Variants in ZNF787 observed in about 807,000 individuals in gnomAD.
ZNF787 encodes the protein zinc finger protein 787.
Under a neutral mutation model 16.9 loss-of-function variants are expected in ZNF787, and 7 were observed. The observed-to-expected ratio is 0.42, with a 90% CI of 0.24 to 0.78. The LOEUF is 0.78. Among genes scored for constraint, ZNF787 ranks in the 30% least tolerant of loss-of-function variants. The pLI is 0.30. For synonymous variants in ZNF787, 345 were observed against 270.9 expected, an observed-to-expected ratio of 1.27 and a Z score of -2.69; for missense variants, 551 against 589.3, an observed-to-expected ratio of 0.94 and a Z score of 0.67.
At chr19:56,102,842 A>G in intron 2 of ZNF787, 2 of 698,914 alleles carry the variant, frequency 2.9e-6, no homozygotes, top group South Asian at 1.5e-5. Flanking sequence ...CACCCTCAAC[A>G]GACGGGGGTG....
rs1985431779 is a variant in ZNF787 at position 56,088,420 on chromosome 19, T to G, written c.752A>C (p.Glu251Ala). 8.7e-7 allele frequency: 1 copy of G among 1,148,218 alleles called. No individual in the cohort carries two copies. The highest frequency in any genetic ancestry group is 5.0e-5 in the Admixed American group (1 of 19,950). 71.1% of individuals were successfully genotyped at this position (1,148,218 alleles called of 1,614,324 possible). ...CATGGCTGCCGCGGCCGCGGCCCCC[T>G]CGCCCGGCGCGCCCACCACGATGAT... ...EGIIVVGAPG[E>A]GAAAAAAMAG... The change falls in exon 3 of 3, where the codon GAG (glutamate) becomes GCG (alanine). Residue 251 changes from glutamate to alanine, a missense_variant. This residue lies in a region of ZNF787 where 392 missense variants were observed against 312.7 expected (regional missense o/e 1.25). Coordinates refer to ENST00000610935, the MANE Select transcript of ZNF787 (RefSeq NM_001002836.4). This position sits in a 1 kb window ranked among gnomAD's most constrained non-coding sequence, Gnocchi z 8.6.
At chr19:56,119,819 G>A (rs1340339701) in intron 1 of ZNF787, among the ~76,000 whole-genome samples, 1 of 152,268 alleles carries the variant, frequency 6.6e-6, no homozygotes, top group Non-Finnish European at 1.5e-5. Context: ...CGCAGAGGCA[G>A]GCAGGTGAAT....
chr19:56,098,349 G>A (rs1412978988), intron 2 of ZNF787, among the ~76,000 whole-genome samples: 2 of 152,240 alleles, frequency 1.3e-5, no homozygotes, highest in African/African-American at 2.4e-5. Context: ...GGGAGCTTCA[G>A]AACCCATTCT....
chr19:56,111,394 T>A (rs1445793612), intron 1 of ZNF787, among the ~76,000 whole-genome samples: 1 of 152,038 alleles, frequency 6.6e-6, no homozygotes, highest in Non-Finnish European at 1.5e-5. Context: ...GTAAGTGGGG[T>A]CCAAGGGCAC....
At position 56,106,752 on chromosome 19, in the gene ZNF787, T is replaced by A. The variant is rs116673976; in HGVS notation, c.-10-3525A>T. Among the ~76,000 whole-genome samples the A allele has an allele frequency of 2.2e-3, 338 of 152,310 alleles. 5 individuals are homozygous for A. Among genetic ancestry groups the A allele is most frequent in the African/African-American group, 7.8e-3 (323 of 41,530 alleles). ...GAAACCTCCGGCATCCAGCACCTCA[T>A]TCCAGGCCGGGGTCTGCAGACCAGC... is the stretch of plus-strand genomic sequence containing the variant. On this transcript the variant is annotated intron_variant, in intron 1 of 2. Coordinates refer to ENST00000610935, the MANE Select transcript of ZNF787 (RefSeq NM_001002836.4).
At chr19:56,094,509 C>T (rs982105745) in intron 2 of ZNF787, among the ~76,000 whole-genome samples, 2 of 151,480 alleles carry the variant, frequency 1.3e-5, no homozygotes, top group Non-Finnish European at 2.9e-5. Context: ...GATCCTCCTT[C>T]TTGCCTTCAA....
At chr19:56,104,913 G>A (rs1215591079) in intron 1 of ZNF787, among the ~76,000 whole-genome samples, 2 of 152,206 alleles carry the variant, frequency 1.3e-5, no homozygotes, top group East Asian at 3.9e-4. Context: ...TGGATCAGTG[G>A]AGGTCTGGAG....
At chr19:56,120,845 GGCCCCC>G in intron 1 of ZNF787, among the ~76,000 whole-genome samples, 1 of 133,244 alleles carries the variant, frequency 7.5e-6, no homozygotes, top group Admixed American at 7.5e-5. Flanking sequence ...CCCCCACCGA[GGCCCCC>G]GCTCCTGCCC....
At chr19:56,091,515 G>C (rs1427988356) in intron 2 of ZNF787, among the ~76,000 whole-genome samples, 3 of 152,164 alleles carry the variant, frequency 2.0e-5, no homozygotes, top group African/African-American at 7.2e-5. Context: ...AACTATCAAA[G>C]CAATTTCATG....
chr19:56,093,029 C>T (rs550453569), intron 2 of ZNF787, among the ~76,000 whole-genome samples: 31 of 150,442 alleles, frequency 2.1e-4, no homozygotes, highest in African/African-American at 6.6e-4. Flanking sequence ...AAGTGGGCTA[C>T]CCCATAGACA....
chr19:56,099,149 C>T (rs536828089), intron 2 of ZNF787, among the ~76,000 whole-genome samples: 4 of 152,286 alleles, frequency 2.6e-5, no homozygotes, highest in African/African-American at 9.6e-5. Flanking sequence ...CAGCTGAGAG[C>T]GTCCCCACTG....
At chr19:56,092,960 A>C (rs1196446205) in intron 2 of ZNF787, among the ~76,000 whole-genome samples, 1 of 149,550 alleles carries the variant, frequency 6.7e-6, no homozygotes, top group Non-Finnish European at 1.5e-5. Context: ...CGCAACTGGG[A>C]TACCCCATAG....
chr19:56,103,616 A>G (rs588574), intron 1 of ZNF787: 192,636 of 202,652 alleles, frequency 0.95, 92,416 homozygotes, highest in African/African-American at 0.99. Flanking sequence ...GACAGTGTAC[A>G]TGTGGTGCTC....
At chr19:56,089,138 G>GAGCCCTTGCCTCT in intron 2 of ZNF787, 46 bp from the exon 3 acceptor site, 1 of 1,375,016 alleles carries the variant, frequency 7.3e-7, no homozygotes, top group Non-Finnish European at 9.5e-7. Context: ...AGAGGCAAGG[G>GAGCCCTTGCCTCT]CTCCACGCCT....
intron 1 of ZNF787, among the ~76,000 whole-genome samples, chr19:56,109,229 G>T (rs950600307): frequency 1.3e-5 from 2 of 152,228 alleles, no homozygotes; most frequent in Admixed American, 1.3e-4. Context: ...CTACGTATCG[G>T]AACTGGTAGA....
intron 1 of ZNF787, among the ~76,000 whole-genome samples, chr19:56,112,870 C>G (rs868704569): frequency 2.8e-4 from 42 of 151,386 alleles, no homozygotes; most frequent in Middle Eastern, 3.5e-3. Context: ...GGTGCCCAGA[C>G]CAGCCGTTCC....
At chr19:56,120,197 A>G (rs1244624315) in intron 1 of ZNF787, among the ~76,000 whole-genome samples, 3 of 152,170 alleles carry the variant, frequency 2.0e-5, no homozygotes, top group African/African-American at 7.2e-5. Context: ...TGCCCGGCAC[A>G]GGGCCTGGCA....
chr19:56,111,087 C>T (rs1756076941), intron 1 of ZNF787, among the ~76,000 whole-genome samples: 2 of 152,356 alleles, frequency 1.3e-5, no homozygotes, highest in South Asian at 2.1e-4. Flanking sequence ...CTTGATTTCC[C>T]CTCTTGTTCC....
Position 56,087,891 on chromosome 19 carries a change from A to AG in ZNF787, c.*131dup. On this transcript the variant is annotated 3_prime_UTR_variant, in exon 3 of 3. Coordinates refer to ENST00000610935, the MANE Select transcript of ZNF787 (RefSeq NM_001002836.4). ...CCCACGGACGGCGCAGGGACAGAGG[A>AG]GGGCGGGGAGCCGGGGATGCCGCGG... 4 of 1,261,738 alleles carry AG rather than the reference A, an allele frequency of 3.2e-6. No individual in the cohort carries two copies. Among genetic ancestry groups the AG allele is most frequent in the Non-Finnish European group, 4.0e-6 (4 of 1,000,136 alleles). The allele number at this position is 1,261,738 out of a possible 1,614,324, so 78.2% of individuals were successfully genotyped here.
Sources: allele counts gnomAD v4.1 joint callset (sites outside exome capture counted in the v4.1 genomes callset), GRCh38; gene constraint gnomAD v4.1.1; regional missense constraint gnomAD v4.1.1; non-coding constraint Gnocchi (gnomAD v3.1); transcripts MANE v1.5; gene names NCBI Gene and HGNC (gene_info 2026-07-23, HGNC 2026-07-21).